The following ERCC3 variants were observed in gnomAD, a reference collection of about 807,000 sequenced individuals.
The protein encoded by ERCC3 is general transcription and DNA repair factor IIH helicase/translocase subunit XPB.
A neutral mutation model predicts 94.2 loss-of-function variants in ERCC3; 66 were observed. The ratio of observed to expected loss-of-function variants is 0.70; its 90% CI spans 0.57 to 0.86. The LOEUF is 0.86. ERCC3 is among the 40% of genes least tolerant of loss of function. The pLI is 0.00. For missense variants in ERCC3, 829 were observed against 987.1 expected (o/e 0.84, Z 2.15); for synonymous variants, 349 against 369.1 (o/e 0.95, Z 0.63).
intron 12 of ERCC3, chr2:127,262,750 T>C (rs1002158093): frequency 3.9e-5 from 6 of 152,352 alleles, no homozygotes; most frequent in South Asian, 2.1e-4. Flanking sequence ...TTTGTGAATA[T>C]TGTATTTCCT....
Position 127,293,498 on chromosome 2 carries a change from T to C in ERCC3, c.234+15A>G. 6.2e-7 allele frequency: 1 copy of C among 1,612,398 alleles called. No individual in the cohort carries two copies. The highest frequency in any genetic ancestry group is 1.1e-5 in the South Asian group (1 of 91,048). On this transcript the variant is annotated intron_variant, in intron 2 of 14. Transcript: ENST00000285398. ...GCACACTCCTGGGCCCTGCCCAAGCTAAGGGCATGCTTACCACCCAGAGGG... is the reference window on the plus strand; with the variant it reads ...GCACACTCCTGGGCCCTGCCCAAGCCAAGGGCATGCTTACCACCCAGAGGG...
In ERCC3 at chr2:127,279,002, C is replaced by T. The variant is rs1213595621; in HGVS notation, c.1730+171G>A. ...CTATGCTCTAACCTCTGACTCCAACCACCTACTTCAGGTCTTCCCTGGTTT... is the reference window on the plus strand; with the variant it reads ...CTATGCTCTAACCTCTGACTCCAACTACCTACTTCAGGTCTTCCCTGGTTT... On this transcript the variant is annotated intron_variant, in intron 10 of 14. Coordinates refer to ENST00000285398, the MANE Select transcript of ERCC3 (RefSeq NM_000122.2). This position sits in a 1 kb window ranked among gnomAD's most constrained non-coding sequence, Gnocchi z 4.7. 6.6e-6 allele frequency among the ~76,000 whole-genome samples: 1 copy of T among 152,212 alleles called. No individual in the cohort carries two copies. The highest frequency in any genetic ancestry group is 6.5e-5 in the Admixed American group (1 of 15,288).
At chr2:127,286,478 G>A (rs769104605) in intron 8 of ERCC3, among the ~76,000 whole-genome samples, 4 of 151,998 alleles carry the variant, frequency 2.6e-5, no homozygotes, top group Non-Finnish European at 5.9e-5. Flanking sequence ...CCTGGGAGGT[G>A]GAAGTTGTGG....
chr2:127,280,874 G>A lies in ERCC3; in HGVS notation c.1343-243C>T. 1 of 553,734 alleles carries A rather than the reference G, an allele frequency of 1.8e-6. No individual in the cohort carries two copies. Among genetic ancestry groups the A allele is most frequent in the South Asian group, 2.8e-5 (1 of 35,678 alleles). The allele number at this position is 553,734 out of a possible 1,614,324, so 34.3% of individuals were successfully genotyped here. A position where few individuals can be genotyped will look rare whatever the true frequency, so the allele number is the denominator to read the frequency against. ...CTCATAGCTGTGCAACTTAACACTG[G>A]CTTATGACACCACCTGAACTAACCC... On this transcript the variant is annotated intron_variant, in intron 8 of 14. Transcript: ENST00000285398. This position sits in a 1 kb window ranked among gnomAD's most constrained non-coding sequence, Gnocchi z 6.3.
In ERCC3 at chr2:127,271,191, G is replaced by T; in HGVS notation, c.1945+145C>A. 1.3e-6 allele frequency: 1 copy of T among 752,112 alleles called. No individual in the cohort carries two copies. Among genetic ancestry groups the T allele is most frequent in the Non-Finnish European group, 2.4e-6 (1 of 412,358 alleles). 46.6% of individuals were successfully genotyped at this position (752,112 alleles called of 1,614,324 possible). On this transcript the variant is annotated intron_variant, in intron 12 of 14. Transcript: ENST00000285398. This position sits in a 1 kb window ranked among gnomAD's most constrained non-coding sequence, Gnocchi z 5.0. ...ATGAGAAATAATGATGGGCCATAAGGATCTAGGTCTTTGCTTTGGGATTCT... is the reference window on the plus strand; with the variant it reads ...ATGAGAAATAATGATGGGCCATAAGTATCTAGGTCTTTGCTTTGGGATTCT...
chr2:127,262,956 A>G (rs1394722541), intron 12 of ERCC3: 1 of 152,202 alleles, frequency 6.6e-6, no homozygotes, highest in Non-Finnish European at 1.5e-5. Context: ...TTTGTTGAAC[A>G]TCAGTTGGCT....
At position 127,293,690 on chromosome 2, in the gene ERCC3, A is replaced by G; in HGVS notation, c.57T>C (p.Tyr19=). The G allele has an allele frequency of 6.2e-7, 1 of 1,613,608 alleles. No homozygotes were observed. The highest frequency in any genetic ancestry group is 8.5e-7 in the Non-Finnish European group (1 of 1,180,016). ...CCTCTTCATCATCCTCTTCATCCTCATAGTGCCGCTTCCTGGATTTCTTCT... is the reference window on the plus strand; with the variant it reads ...CCTCTTCATCATCCTCTTCATCCTCGTAGTGCCGCTTCCTGGATTTCTTCT... The part of the protein sequence containing the change: ...RDKKKSRKRH[Y]EDEEDDEEDA... The change falls in exon 2 of 15, where the codon TAT becomes TAC. Residue 19 remains tyrosine, a synonymous_variant. Transcript: ENST00000285398.
At chr2:127,294,023 CGTGG>C in intron 1 of ERCC3, 27 bp downstream of exon 1, 1 of 1,601,676 alleles carries the variant, frequency 6.2e-7, no homozygotes, top group African/African-American at 1.3e-5. Context: ...CAAGGGCAGT[CGTGG>C]CTGAGCGTGC....
Position 127,280,616 on chromosome 2 carries a change from C to T in ERCC3, c.1358G>A (p.Arg453Lys), listed in dbSNP as rs748473025. The T allele has an allele frequency of 3.7e-6, 6 of 1,614,030 alleles. No homozygotes were observed. In the Admixed American group the frequency reaches 5.0e-5, roughly 13 times the overall value. Reference sequence around the variant, plus strand: ...GTGGGCCTGCACGATGGTGAGCACCCTTCGGAACATCTTGGCTGAGGAAAC... The same window carrying T: ...GTGGGCCTGCACGATGGTGAGCACCTTTCGGAACATCTTGGCTGAGGAAAC... Reference protein sequence around the residue: ...VHTIPAKMFRRVLTIVQAHCK... With the variant: ...VHTIPAKMFRKVLTIVQAHCK... The change falls in exon 9 of 15, where the codon AGG (arginine) becomes AAG (lysine). Residue 453 changes from arginine to lysine, a missense_variant. Coordinates refer to ENST00000285398, the MANE Select transcript of ERCC3 (RefSeq NM_000122.2). This position sits in a 1 kb window ranked among gnomAD's most constrained non-coding sequence, Gnocchi z 6.3.
In ERCC3 at chr2:127,280,614, C is replaced by T; in HGVS notation, c.1360G>A (p.Val454Met). 1 of 1,614,144 alleles carries T rather than the reference C, an allele frequency of 6.2e-7. No homozygotes were observed. Among genetic ancestry groups the T allele is most frequent in the Non-Finnish European group, 8.5e-7 (1 of 1,180,020 alleles). ...HTIPAKMFRR[V>M]LTIVQAHCKL... ...CAGTGGGCCTGCACGATGGTGAGCA[C>T]CCTTCGGAACATCTTGGCTGAGGAA... is the stretch of plus-strand genomic sequence containing the variant. The change falls in exon 9 of 15, where the codon GTG (valine) becomes ATG (methionine). Residue 454 changes from valine (V) to methionine (M), a missense_variant. Transcript: ENST00000285398. The surrounding 1 kb of genome is among the most constrained non-coding windows in gnomAD (Gnocchi z 6.3).
In ERCC3 at chr2:127,271,213, T is replaced by C. The variant is rs908861096; in HGVS notation, c.1945+123A>G. On this transcript the variant is annotated intron_variant, in intron 12 of 14. Coordinates refer to ENST00000285398, the MANE Select transcript of ERCC3 (RefSeq NM_000122.2). This position sits in a 1 kb window ranked among gnomAD's most constrained non-coding sequence, Gnocchi z 5.0. ...AAGGATCTAGGTCTTTGCTTTGGGA[T>C]TCTCTCCCTCCAGAGTCTATTTAGC... 1.3e-5 allele frequency: 10 copies of C among 777,196 alleles called. No individual in the cohort carries two copies. The highest frequency in any genetic ancestry group is 2.1e-5 in the Non-Finnish European group (9 of 427,848). 48.1% of individuals were successfully genotyped at this position (777,196 alleles called of 1,614,324 possible).
chr2:127,261,393 A>G (rs1337204320), intron 12 of ERCC3, 47 bp from the exon 13 acceptor site: 4 of 1,171,410 alleles, frequency 3.4e-6, no homozygotes, highest in East Asian at 4.7e-5. Context: ...AACATTAGCC[A>G]TTAGAATGCC....
chr2:127,268,907 C>T (rs1169660103), intron 12 of ERCC3, among the ~76,000 whole-genome samples: 1 of 152,196 alleles, frequency 6.6e-6, no homozygotes, highest in Admixed American at 6.5e-5. Context: ...CATCATTACA[C>T]TTGTGCTTTG....
Position 127,286,794 on chromosome 2 carries a change from GGTGGT to G in ERCC3, c.1246_1250del (p.Thr416GlnfsTer25), listed in dbSNP as rs1262588103. On this transcript the variant is annotated frameshift_variant, in exon 8 of 15. Transcript: ENST00000285398. LOFTEE classifies it high-confidence loss of function. ...CTCGCTCGGCCTCCCAGGACCTTTT[GGTGGT>G]GTGGCCCAGCATGGAGTAGGTGCTA... 1.2e-6 allele frequency: 2 copies of G among 1,614,160 alleles called. No individual in the cohort carries two copies. The highest frequency in any genetic ancestry group is 1.7e-6 in the Non-Finnish European group (2 of 1,180,010).
rs375264659 is a variant in ERCC3, at chr2:127,258,013, G to A, written c.2218-286C>T. Among the ~76,000 whole-genome samples the A allele has an allele frequency of 4.7e-4, 72 of 152,188 alleles. No homozygotes were observed. Among genetic ancestry groups the A allele is most frequent in the African/African-American group, 1.7e-3 (69 of 41,530 alleles). ...AGATCACATAGCTCTTAAGGAGATG[G>A]GATTTGAACACCCAGGTAGCCTGGC... On this transcript the variant is annotated intron_variant, in intron 14 of 14. Coordinates refer to ENST00000285398, the MANE Select transcript of ERCC3 (RefSeq NM_000122.2). The surrounding 1 kb of genome is among the most constrained non-coding windows in gnomAD (Gnocchi z 4.1).
At position 127,280,383 on chromosome 2, in the gene ERCC3, T is replaced by G; in HGVS notation, c.1527+64A>C. The G allele has an allele frequency of 7.0e-7, 1 of 1,434,850 alleles. No individual in the cohort carries two copies. The allele number at this position is 1,434,850 out of a possible 1,614,324, so 88.9% of individuals were successfully genotyped here. ...TGTGTCTGCCCATGAGGAATCGATC[T>G]GATCACTCCCCTGCCCATAGGAGGA... On this transcript the variant is annotated intron_variant, in intron 9 of 14. Coordinates refer to ENST00000285398, the MANE Select transcript of ERCC3 (RefSeq NM_000122.2). The surrounding 1 kb of genome is among the most constrained non-coding windows in gnomAD (Gnocchi z 6.3).
chr2:127,272,259 C>T lies in ERCC3; in HGVS notation c.1827+606G>A, dbSNP rs575910377. Among the ~76,000 whole-genome samples, 13 of 151,960 alleles carry T rather than the reference C, an allele frequency of 8.6e-5. No homozygotes were observed. In the South Asian group the frequency reaches 2.1e-3, roughly 24 times the overall value. On this transcript the variant is annotated intron_variant, in intron 11 of 14. Coordinates refer to ENST00000285398, the MANE Select transcript of ERCC3 (RefSeq NM_000122.2). ...AGGCTGGTCTCGAACTCCTGACCTC[C>T]GGTGATCCACCCGCCTCAGCCTCCC...
intron 10 of ERCC3, 94 bp from the exon 11 acceptor site, chr2:127,273,055 C>G (rs1380805389): frequency 1.3e-5 from 11 of 819,214 alleles, no homozygotes; most frequent in Middle Eastern, 2.3e-4. Context: ...GCTAGCTCTT[C>G]TCAAGTAGAA....
In ERCC3 at chr2:127,277,499, G is replaced by A. The variant is rs942744984; in HGVS notation, c.1730+1674C>T. Among the ~76,000 whole-genome samples, 8 of 152,188 alleles carry A rather than the reference G, an allele frequency of 5.3e-5. No homozygotes were observed. Among genetic ancestry groups the A allele is most frequent in the Non-Finnish European group, 1.2e-4 (8 of 68,020 alleles). On this transcript the variant is annotated intron_variant, in intron 10 of 14. Coordinates refer to ENST00000285398, the MANE Select transcript of ERCC3 (RefSeq NM_000122.2). This position sits in a 1 kb window ranked among gnomAD's most constrained non-coding sequence, Gnocchi z 5.1. ...GAGGTCAAGAGATCGAGACCATCCT[G>A]GCCAATATGGTGAAACCCTATCTCT...
Sources: allele counts gnomAD v4.1 joint callset (sites outside exome capture counted in the v4.1 genomes callset), GRCh38; gene constraint gnomAD v4.1.1; non-coding constraint Gnocchi (gnomAD v3.1); transcripts MANE v1.5; gene names NCBI Gene and HGNC (gene_info 2026-07-23, HGNC 2026-07-21).